RBFOX1: variants seen among roughly 807,000 people sequenced by gnomAD.
The protein encoded by RBFOX1 is RNA binding fox-1 homolog 1.
Under a neutral mutation model 57.7 loss-of-function variants are expected in RBFOX1, and 8 were observed. That is an observed-to-expected ratio of 0.14 (90% CI 0.08 to 0.25). RBFOX1 has a LOEUF of 0.25. Ranked by LOEUF, RBFOX1 falls within the 10% of genes least tolerant of loss-of-function variation. RBFOX1 has a pLI of 1.00. For missense variants in RBFOX1, 611 were observed against 548.5 expected (o/e 1.11, Z -1.14); for synonymous variants, 326 against 222.4 (o/e 1.47, Z -4.15).
chr16:6,235,263 C>T lies in RBFOX1; in HGVS notation c.-126-81732C>T, dbSNP rs117976921. Among the ~76,000 whole-genome samples the T allele has an allele frequency of 5.1e-3, 777 of 152,192 alleles. 3 individuals are homozygous for T. Among genetic ancestry groups the T allele is most frequent in the Non-Finnish European group, 7.8e-3 (531 of 68,016 alleles). On this transcript the variant is annotated intron_variant, in intron 1 of 15. Transcript: ENST00000550418. ...GTCATTCACATCTCGGAAGGCCTAACTCCCCTCCTCCACACAGAATGAATC... is the reference window on the plus strand; with the variant it reads ...GTCATTCACATCTCGGAAGGCCTAATTCCCCTCCTCCACACAGAATGAATC...
At chr16:6,805,395 G>C (rs1006374737) in intron 3 of RBFOX1, among the ~76,000 whole-genome samples, 1 of 152,182 alleles carries the variant, frequency 6.6e-6, no homozygotes, top group Non-Finnish European at 1.5e-5. Flanking sequence ...CTGGAGGATA[G>C]AGGGTAGGAG....
chr16:7,273,467 A>G (rs1458635160), intron 4 of RBFOX1, among the ~76,000 whole-genome samples: 1 of 152,106 alleles, frequency 6.6e-6, no homozygotes, highest in Non-Finnish European at 1.5e-5. Context: ...TGCTGCATCA[A>G]GGGTCCCTGG....
intron 3 of RBFOX1, among the ~76,000 whole-genome samples, chr16:5,677,477 A>C (rs1250551453): frequency 6.6e-6 from 1 of 152,170 alleles, no homozygotes; most frequent in Non-Finnish European, 1.5e-5. Flanking sequence ...AGTGATTAGG[A>C]GTGAAGGATA....
At chr16:6,623,463 C>G (rs1876138804) in intron 2 of RBFOX1, among the ~76,000 whole-genome samples, 1 of 148,530 alleles carries the variant, frequency 6.7e-6, no homozygotes, top group Non-Finnish European at 1.5e-5. Flanking sequence ...TTTTATTATA[C>G]TTTAAGTTTT....
rs55679813 is a variant in RBFOX1, at chr16:5,514,306, C to T, written c.258+47052C>T. Among the ~76,000 whole-genome samples, 795 of 152,242 alleles carry T rather than the reference C, an allele frequency of 5.2e-3. 5 individuals are homozygous for T. Among genetic ancestry groups the T allele is most frequent in the African/African-American group, 0.017 (695 of 41,524 alleles). Reference sequence around the variant, plus strand: ...CTGTCGCCATGTCTCTCATCCTTGTCCTGGGACAGACAGGCTCGTCTGGGC... The same window carrying T: ...CTGTCGCCATGTCTCTCATCCTTGTTCTGGGACAGACAGGCTCGTCTGGGC... On this transcript the variant is annotated intron_variant, in intron 2 of 2. Transcript: ENST00000585867.
chr16:6,293,325 C>A lies in RBFOX1; in HGVS notation c.-126-23670C>A, dbSNP rs575212731. ...CCTTAAGTATTATACCAGACAGCCT[C>A]TCAATACTTACATCTGCCATGCAAC... is the stretch of plus-strand genomic sequence containing the variant. On this transcript the variant is annotated intron_variant, in intron 1 of 15. Transcript: ENST00000550418. Among the ~76,000 whole-genome samples, 15 of 152,306 alleles carry A rather than the reference C, an allele frequency of 9.8e-5. No individual in the cohort carries two copies. The East Asian group carries it at 2.9e-3, about 29-fold the overall frequency.
chr16:5,596,854 G>A (rs2047199404), intron 2 of RBFOX1, among the ~76,000 whole-genome samples: 2 of 151,466 alleles, frequency 1.3e-5, no homozygotes, highest in Non-Finnish European at 2.9e-5. Flanking sequence ...TTAGACAGTC[G>A]CTGGAAGCAG....
chr16:6,044,260 C>T (rs552602919), intron 1 of RBFOX1, among the ~76,000 whole-genome samples: 10 of 152,264 alleles, frequency 6.6e-5, no homozygotes, highest in Admixed American at 2.6e-4. Flanking sequence ...ATGTGAACCC[C>T]GAATCCTAAG....
chr16:6,564,680 A>G (rs991126027), intron 2 of RBFOX1, among the ~76,000 whole-genome samples: 2 of 152,104 alleles, frequency 1.3e-5, no homozygotes, highest in Non-Finnish European at 2.9e-5. Context: ...AAAACACACA[A>G]ATTTCAGTAA....
intron 3 of RBFOX1, among the ~76,000 whole-genome samples, chr16:6,729,682 T>G (rs1289513306): frequency 6.6e-6 from 1 of 152,102 alleles, no homozygotes; most frequent in Non-Finnish European, 1.5e-5. Flanking sequence ...ATATATGACC[T>G]CAGATTAGTT....
chr16:6,300,387 A>C (rs149927340), intron 1 of RBFOX1, among the ~76,000 whole-genome samples: 1 of 152,236 alleles, frequency 6.6e-6, no homozygotes, highest in Non-Finnish European at 1.5e-5. Context: ...TAGCCATTCC[A>C]CAGTGTATAC....
At chr16:6,160,201 G>C (rs1480952084) in intron 1 of RBFOX1, among the ~76,000 whole-genome samples, 1 of 152,130 alleles carries the variant, frequency 6.6e-6, no homozygotes, top group African/African-American at 2.4e-5. Flanking sequence ...AATTGTAATA[G>C]GAGTGCCATT....
intron 2 of RBFOX1, among the ~76,000 whole-genome samples, chr16:6,471,993 A>T (rs951746615): frequency 1.3e-5 from 2 of 152,178 alleles, no homozygotes; most frequent in Non-Finnish European, 2.9e-5. Context: ...ATTTCTCTTT[A>T]TCTCCTTGTC....
chr16:6,129,283 C>G (rs1012249468), intron 1 of RBFOX1, among the ~76,000 whole-genome samples: 1 of 151,756 alleles, frequency 6.6e-6, no homozygotes, highest in Non-Finnish European at 1.5e-5. Flanking sequence ...GATTGTGTTA[C>G]TTAAATGAAT....
chr16:6,580,972 G>C (rs964332232), intron 2 of RBFOX1, among the ~76,000 whole-genome samples: 1 of 150,608 alleles, frequency 6.6e-6, no homozygotes, highest in East Asian at 2.0e-4. Context: ...AGCTTCTGAA[G>C]CATTGATCAA....
chr16:5,461,226 G>C (rs1483502063), intron 1 of RBFOX1, among the ~76,000 whole-genome samples: 2 of 152,222 alleles, frequency 1.3e-5, no homozygotes, highest in African/African-American at 4.8e-5. Flanking sequence ...TAATAGTGGT[G>C]CATAGAGTGG....
intron 4 of RBFOX1, among the ~76,000 whole-genome samples, chr16:7,140,351 C>T (rs1351680507): frequency 6.9e-6 from 1 of 145,066 alleles, no homozygotes; most frequent in Non-Finnish European, 1.5e-5. Flanking sequence ...CTTTTCCCCA[C>T]TCTGAGTCTG....
At chr16:7,151,428 C>T (rs1462040349) in intron 4 of RBFOX1, among the ~76,000 whole-genome samples, 1 of 152,120 alleles carries the variant, frequency 6.6e-6, no homozygotes, top group Non-Finnish European at 1.5e-5. Context: ...ACTAATGTCA[C>T]TAATGTCTTT....
intron 3 of RBFOX1, among the ~76,000 whole-genome samples, chr16:6,831,779 G>T (rs1490752772): frequency 1.3e-5 from 2 of 152,134 alleles, no homozygotes; most frequent in Non-Finnish European, 2.9e-5. Context: ...CACATCTTTG[G>T]GAAGGAGGGA....
Sources: allele counts gnomAD v4.1 joint callset (sites outside exome capture counted in the v4.1 genomes callset), GRCh38; gene constraint gnomAD v4.1.1; transcripts MANE v1.5; gene names NCBI Gene and HGNC (gene_info 2026-07-23, HGNC 2026-07-21).